The following ARL13B variants were observed in gnomAD, a reference collection of about 807,000 sequenced individuals.
ARL13B encodes the protein ADP-ribosylation factor-like protein 13B.
ARL13B carries 36 observed loss-of-function variants against 56.1 expected under a neutral mutation model. That is an observed-to-expected ratio of 0.64 (90% confidence interval 0.49 to 0.85). The LOEUF (loss-of-function observed/expected upper bound fraction) is 0.85. Among genes scored for constraint, ARL13B ranks in the 40% least tolerant of loss-of-function variants. ARL13B has a pLI of 0.00. For synonymous variants in ARL13B, 178 were observed against 171.1 expected, an observed-to-expected ratio of 1.04 and a Z score of -0.32; for missense variants, 519 against 507.1, an observed-to-expected ratio of 1.02 and a Z score of -0.23.
chr3:94,031,147 A>G (rs2076670572), intron 3 of ARL13B, among the ~76,000 whole-genome samples: 1 of 152,186 alleles, frequency 6.6e-6, no homozygotes, highest in Non-Finnish European at 1.5e-5. Flanking sequence ...AGCTGTTGTC[A>G]CACCTCTGCA....
intron 7 of ARL13B, among the ~76,000 whole-genome samples, chr3:94,044,968 C>A (rs546545658): frequency 6.6e-6 from 1 of 152,108 alleles, no homozygotes; most frequent in Admixed American, 6.5e-5. Context: ...CCATCAAGAA[C>A]GGGCCATGAT....
chr3:94,029,350 T>TTTA (rs2076630914), intron 3 of ARL13B, among the ~76,000 whole-genome samples: 11 of 99,334 alleles, frequency 1.1e-4, no homozygotes, highest in African/African-American at 2.1e-4. Context: ...TTTTTTTTTA[T>TTTA]TTTTTTTTTT....
intron 9 of ARL13B, among the ~76,000 whole-genome samples, chr3:94,052,515 A>ACT (rs2077082979): frequency 6.6e-6 from 1 of 152,140 alleles, no homozygotes; most frequent in African/African-American, 2.4e-5. Flanking sequence ...GAGAGTTAGG[A>ACT]AAGAATATTG....
At position 94,014,352 on chromosome 3, in the gene ARL13B, C is replaced by T. The variant is rs376246408; in HGVS notation, c.380+10444C>T. 4.8e-5 allele frequency: 72 copies of T among 1,492,528 alleles called. No homozygotes were observed. The African/African-American group carries it at 5.8e-4, about 12-fold the overall frequency. The allele number at this position is 1,492,528 out of a possible 1,614,324, so 92.5% of individuals were successfully genotyped here. A position where few individuals can be genotyped will look rare whatever the true frequency, so the allele number is the denominator to read the frequency against. ...CACTGAAATATAAGCTATCTTTTAC[C>T]GTAAAGCTGGAAAAAGTTTTAAAAT... On this transcript the variant is annotated intron_variant, in intron 3 of 9. Coordinates refer to ENST00000394222, the MANE Select transcript of ARL13B (RefSeq NM_001174150.2).
intron 9 of ARL13B, among the ~76,000 whole-genome samples, 162 bp from the exon 10 acceptor site, chr3:94,053,025 C>T (rs1470397458): frequency 6.6e-6 from 1 of 152,080 alleles, no homozygotes; most frequent in Admixed American, 6.6e-5. Context: ...ATTTAAAATG[C>T]ACGAGAGAGA....
At chr3:93,990,322 C>T (rs2075849713) in intron 1 of ARL13B, among the ~76,000 whole-genome samples, 1 of 151,926 alleles carries the variant, frequency 6.6e-6, no homozygotes, top group Non-Finnish European at 1.5e-5. Context: ...TTGAGTATCT[C>T]TTAGCTGAAA....
chr3:93,993,666 ACTTAAATCTTGTT>A (rs1310131466), intron 1 of ARL13B, among the ~76,000 whole-genome samples: 1 of 152,186 alleles, frequency 6.6e-6, no homozygotes, highest in Non-Finnish European at 1.5e-5. Flanking sequence ...GTTATTTTGT[ACTTAAATCTTGTT>A]CTTTGATATT....
At chr3:94,018,145 G>C (rs914728242) in intron 3 of ARL13B, among the ~76,000 whole-genome samples, 2 of 151,810 alleles carry the variant, frequency 1.3e-5, no homozygotes, top group African/African-American at 4.8e-5. Flanking sequence ...CCATCTGTTC[G>C]CCTTGTCCTC....
intron 3 of ARL13B, chr3:94,014,319 A>G (rs972920103): frequency 7.4e-7 from 1 of 1,349,818 alleles, no homozygotes; most frequent in Non-Finnish European, 9.9e-7. Flanking sequence ...GAGAAAAACA[A>G]TACAAGACAC....
chr3:93,992,942 C>T (rs1258643051), intron 1 of ARL13B, among the ~76,000 whole-genome samples: 1 of 150,340 alleles, frequency 6.7e-6, no homozygotes, highest in East Asian at 2.0e-4. Flanking sequence ...TACAGGCGTG[C>T]GCTGCCATGC....
intron 7 of ARL13B, among the ~76,000 whole-genome samples, chr3:94,044,844 G>A (rs539211815): frequency 2.6e-3 from 381 of 146,462 alleles, no homozygotes; most frequent in Middle Eastern, 0.012. Flanking sequence ...CGGCCGCCCC[G>A]TCTGGGAAGT....
At chr3:93,985,102 C>T (rs1559964298) in intron 1 of ARL13B, among the ~76,000 whole-genome samples, 1 of 152,122 alleles carries the variant, frequency 6.6e-6, no homozygotes, top group Non-Finnish European at 1.5e-5. Context: ...GAAAGTTCAT[C>T]AGCATTACAA....
chr3:94,029,339 T>TATATA (rs149199380), intron 3 of ARL13B, among the ~76,000 whole-genome samples: 4 of 45,694 alleles, frequency 8.8e-5, no homozygotes, highest in African/African-American at 4.1e-4. Flanking sequence ...TATATATTTA[T>TATATA]TTTTTTTTTA....
At chr3:93,991,434 C>T (rs969595069) in intron 1 of ARL13B, among the ~76,000 whole-genome samples, 1 of 152,146 alleles carries the variant, frequency 6.6e-6, no homozygotes, top group Non-Finnish European at 1.5e-5. Context: ...GGCTTCAGTG[C>T]AGTGGTGCAG....
At chr3:93,996,070 T>G in intron 2 of ARL13B, 126 bp downstream of exon 2, 1 of 975,386 alleles carries the variant, frequency 1.0e-6, no homozygotes, top group Non-Finnish European at 1.6e-6. Flanking sequence ...CTTTATATTC[T>G]TAGTATATTT....
intron 2 of ARL13B, 118 bp from the exon 3 acceptor site, chr3:94,003,541 T>C: frequency 8.7e-7 from 1 of 1,148,408 alleles, no homozygotes; most frequent in Non-Finnish European, 1.2e-6. Flanking sequence ...TTCAAAATAA[T>C]GTTTATTGTG....
At chr3:94,020,060 A>G (rs938898107) in intron 3 of ARL13B, among the ~76,000 whole-genome samples, 2 of 152,050 alleles carry the variant, frequency 1.3e-5, no homozygotes, top group Non-Finnish European at 1.5e-5. Context: ...TTACTTATTT[A>G]TATTAACTTA....
chr3:94,009,809 G>A (rs188599585), intron 3 of ARL13B, among the ~76,000 whole-genome samples: 3 of 152,118 alleles, frequency 2.0e-5, no homozygotes, highest in East Asian at 1.9e-4. Context: ...GTCTCTTAAT[G>A]ACATTCAGCT....
In ARL13B at chr3:94,046,464, A is replaced by G. The variant is rs1319609970; in HGVS notation, c.1025-2942A>G. Reference sequence around the variant, plus strand: ...TTTTTTGTCTTGCTTTCTGAACTCAACGTCATTCCTTTGAGAATCATCCAT... The same window carrying G: ...TTTTTTGTCTTGCTTTCTGAACTCAGCGTCATTCCTTTGAGAATCATCCAT... On this transcript the variant is annotated intron_variant, in intron 7 of 9. Coordinates refer to ENST00000394222, the MANE Select transcript of ARL13B (RefSeq NM_001174150.2). Among the ~76,000 whole-genome samples the G allele has an allele frequency of 3.9e-5, 6 of 152,212 alleles. No homozygotes were observed. In the South Asian group the frequency reaches 6.2e-4, roughly 16 times the overall value.
Sources: allele counts gnomAD v4.1 joint callset (sites outside exome capture counted in the v4.1 genomes callset), GRCh38; gene constraint gnomAD v4.1.1; transcripts MANE v1.5; gene names NCBI Gene and HGNC (gene_info 2026-07-23, HGNC 2026-07-21).